The following FLNB variants were observed in gnomAD, a reference collection of about 807,000 sequenced individuals.
FLNB encodes the protein filamin B.
Under a neutral mutation model 250.6 loss-of-function variants are expected in FLNB, and 111 were observed. That is an observed-to-expected ratio of 0.44 (90% CI 0.38 to 0.52). The LOEUF (loss-of-function observed/expected upper bound fraction) is 0.52. Among genes scored for constraint, FLNB ranks in the 20% least tolerant of loss-of-function variants. The probability of loss-of-function intolerance (pLI) is 0.00; values close to 1 mark genes in which losing one functional copy is unlikely to be tolerated. For missense variants in FLNB, 2,869 were observed against 3,447.8 expected, an observed-to-expected ratio of 0.83 and a Z score of 4.20; for synonymous variants, 1,302 against 1,372.1, an observed-to-expected ratio of 0.95 and a Z score of 1.13.
chr3:58,016,197 T>C (rs1454364024), intron 1 of FLNB, among the ~76,000 whole-genome samples: 1 of 151,968 alleles, frequency 6.6e-6, no homozygotes, highest in Non-Finnish European at 1.5e-5. Flanking sequence ...GTAGCTGGAA[T>C]TATAGGCATG....
chr3:58,090,548 A>G (rs535498758), intron 4 of FLNB, among the ~76,000 whole-genome samples: 1 of 152,318 alleles, frequency 6.6e-6, no homozygotes, highest in South Asian at 2.1e-4. Flanking sequence ...TCACAAATAC[A>G]TGAGTAATGC....
chr3:58,112,788 A>G (rs1559702063), intron 18 of FLNB, among the ~76,000 whole-genome samples: 1 of 151,950 alleles, frequency 6.6e-6, no homozygotes, highest in Non-Finnish European at 1.5e-5. Context: ...AGCTTAGTTT[A>G]CCCTTTTTAT....
chr3:58,115,350 T>C (rs544335494), intron 18 of FLNB, among the ~76,000 whole-genome samples: 28 of 152,328 alleles, frequency 1.8e-4, no homozygotes, highest in African/African-American at 6.5e-4. Context: ...CATGACGTCT[T>C]CTAAAAACAT....
At position 58,121,291 on chromosome 3, in the gene FLNB, G is replaced by A. The variant is rs954246154; in HGVS notation, c.2914G>A (p.Gly972Arg). The change falls in exon 20 of 46, where the codon GGA (glycine) becomes AGA (arginine). Residue 972 changes from glycine (G) to arginine (R), a missense_variant. Transcript: ENST00000295956. ...GTTCACCGTTGATACCAGGGGGGCA[G>A]GAGGCCAGGGGAAGCTGGACGTGAC... ...QEFTVDTRGA[G>R]GQGKLDVTIL... is the part of the protein sequence containing the mutation. 1.2e-6 allele frequency: 2 copies of A among 1,614,194 alleles called. No homozygotes were observed. Among genetic ancestry groups the A allele is most frequent in the Non-Finnish European group, 1.7e-6 (2 of 1,180,026 alleles).
chr3:58,110,855 G>A (rs2097267418), intron 16 of FLNB, among the ~76,000 whole-genome samples: 1 of 152,174 alleles, frequency 6.6e-6, no homozygotes, highest in Non-Finnish European at 1.5e-5. Flanking sequence ...ATAGGCATGA[G>A]CCACCACATT....
At position 58,118,943 on chromosome 3, in the gene FLNB, T is replaced by A; in HGVS notation, c.2817T>A (p.Ala939=). 1.9e-6 allele frequency: 3 copies of A among 1,614,138 alleles called. No homozygotes were observed. The highest frequency in any genetic ancestry group is 2.5e-6 in the Non-Finnish European group (3 of 1,179,990). The change falls in exon 19 of 46, where the codon GCT becomes GCA. Residue 939 remains alanine, a synonymous_variant. Transcript: ENST00000295956. ...AAAGCCCTTTCACTGTGGGTGTTGC[T>A]GCACCGCTGGATCTGAGCAAGATAA... ...IPKSPFTVGV[A]APLDLSKIKL...
intron 10 of FLNB, 47 bp from the exon 11 acceptor site, chr3:58,105,033 C>A: frequency 1.9e-6 from 3 of 1,613,342 alleles, no homozygotes; most frequent in African/African-American, 2.7e-5. Context: ...TATAGTGACA[C>A]CTTACTTTAC....
chr3:58,035,628 A>G (rs1038132271), intron 1 of FLNB, among the ~76,000 whole-genome samples: 5 of 152,198 alleles, frequency 3.3e-5, no homozygotes, highest in African/African-American at 4.8e-5. Flanking sequence ...ACTCTCCCCA[A>G]TTAAAAACTA....
rs778019046 is a variant in FLNB at position 58,123,443 on chromosome 3, G to A, written c.3477G>A (p.Ser1159=). 80 of 1,611,014 alleles carry A rather than the reference G, an allele frequency of 5.0e-5. No homozygotes were observed. Among genetic ancestry groups the A allele is most frequent in the Non-Finnish European group, 6.2e-5 (73 of 1,177,794 alleles). The change falls in exon 21 of 46, where the codon TCG becomes TCA. Residue 1159 remains serine, a synonymous_variant. Coordinates refer to ENST00000295956, the MANE Select transcript of FLNB (RefSeq NM_001457.4). The part of the protein sequence containing the change: ...GEAGLLSVDC[S]EAGPGALGLE... ...CTGGCCTCCTTAGCGTCGACTGCTCGGAAGCGGGACCGGGGGCCCTGGGCC... is the reference window on the plus strand; with the variant it reads ...CTGGCCTCCTTAGCGTCGACTGCTCAGAAGCGGGACCGGGGGCCCTGGGCC...
At chr3:58,153,316 C>T in intron 38 of FLNB, 59 bp from the exon 39 acceptor site, 1 of 1,601,374 alleles carries the variant, frequency 6.2e-7, no homozygotes, top group South Asian at 1.1e-5. Context: ...CATGTCCTGC[C>T]CTGTCTCAGG....
chr3:58,041,917 G>C (rs941297003), intron 1 of FLNB, among the ~76,000 whole-genome samples: 10 of 152,182 alleles, frequency 6.6e-5, no homozygotes, highest in East Asian at 3.9e-4. Context: ...TCATCCAGCT[G>C]TCTTGCCCCA....
chr3:58,078,285 A>G, intron 2 of FLNB: 2 of 1,426,180 alleles, frequency 1.4e-6, no homozygotes, highest in Non-Finnish European at 1.8e-6. Context: ...TGTGCTTACA[A>G]AGGCTTTTAA....
In FLNB at chr3:58,166,830, A is replaced by T. The variant is rs78603432; in HGVS notation, c.7199-1610A>T. On this transcript the variant is annotated intron_variant, in intron 43 of 45. Coordinates refer to ENST00000295956, the MANE Select transcript of FLNB (RefSeq NM_001457.4). ...GAGGAAGACTTTATCTAAAAAAAAAAATATTAGTAATAAGGCCGGGTGCGT... is the reference window on the plus strand; with the variant it reads ...GAGGAAGACTTTATCTAAAAAAAAATATATTAGTAATAAGGCCGGGTGCGT... Among the ~76,000 whole-genome samples, 1,324 of 151,386 alleles carry T rather than the reference A, an allele frequency of 8.7e-3. 26 individuals carry two copies. Among genetic ancestry groups the T allele is most frequent in the African/African-American group, 0.029 (1,209 of 41,144 alleles).
intron 43 of FLNB, chr3:58,165,302 A>G (rs1459191259): frequency 6.6e-6 from 1 of 152,308 alleles, no homozygotes; most frequent in Non-Finnish European, 1.5e-5. Context: ...CAAGTGCTGG[A>G]CGCTGCTGAG....
intron 1 of FLNB, among the ~76,000 whole-genome samples, chr3:58,013,380 T>C (rs839246): frequency 0.77 from 117,204 of 152,182 alleles, 46,178 homozygotes; most frequent in East Asian, 0.95. Flanking sequence ...TCCAGGGTGG[T>C]GGGTCACTGG....
intron 27 of FLNB, 86 bp downstream of exon 27, chr3:58,134,858 G>A (rs775386024): frequency 1.6e-4 from 205 of 1,244,206 alleles, no homozygotes; most frequent in Middle Eastern, 3.8e-4. Context: ...TTCAATAACC[G>A]ATTTCTGACT....
chr3:58,102,477 T>C, intron 9 of FLNB, 137 bp downstream of exon 9: 4 of 1,024,936 alleles, frequency 3.9e-6, no homozygotes, highest in Non-Finnish European at 6.1e-6. Context: ...CTATCTGGGC[T>C]CCTTGGGGAA....
In FLNB at chr3:58,097,967, C is replaced by G; in HGVS notation, c.1137C>G (p.Ile379Met). 6.2e-7 allele frequency: 1 copy of G among 1,614,014 alleles called. No homozygotes were observed. Among genetic ancestry groups the G allele is most frequent in the Non-Finnish European group, 8.5e-7 (1 of 1,179,920 alleles). ...NIANKPTYFDIYTAGAGVGDI... is the reference protein window; with the variant it reads ...NIANKPTYFDMYTAGAGVGDI... ...CCAATAAGCCCACCTACTTTGACAT[C>G]TATACGGCAGGTAACGTGCCTCTCC... is the stretch of plus-strand genomic sequence containing the variant. The change falls in exon 7 of 46, where the codon ATC becomes ATG. Residue 379 changes from isoleucine to methionine, a missense_variant. This residue lies in a region of FLNB where 1,348 missense variants were observed against 1,466.7 expected (regional missense o/e 0.92). Coordinates refer to ENST00000295956, the MANE Select transcript of FLNB (RefSeq NM_001457.4).
At chr3:58,144,110 TG>T (rs1233999221) in intron 32 of FLNB, among the ~76,000 whole-genome samples, 2 of 152,238 alleles carry the variant, frequency 1.3e-5, no homozygotes, top group African/African-American at 4.8e-5. Flanking sequence ...TAGTTGTATT[TG>T]TTTTTTAATT....
Sources: allele counts gnomAD v4.1 joint callset (sites outside exome capture counted in the v4.1 genomes callset), GRCh38; gene constraint gnomAD v4.1.1; regional missense constraint gnomAD v4.1.1; transcripts MANE v1.5; gene names NCBI Gene and HGNC (gene_info 2026-07-23, HGNC 2026-07-21).